CKAP2: variants seen among roughly 807,000 people sequenced by gnomAD.
CKAP2 encodes the protein cytoskeleton associated protein 2, also known as cytoskeleton-associated protein 2.
Under a neutral mutation model 58.4 loss-of-function variants are expected in CKAP2, and 46 were observed. The ratio of observed to expected loss-of-function variants is 0.79; its 90% CI spans 0.62 to 1.01. CKAP2 has a LOEUF of 1.01. CKAP2 is among the 50% of genes least tolerant of loss of function. The pLI, the probability that CKAP2 is intolerant of heterozygous loss-of-function variation, is 0.00. For synonymous variants in CKAP2, 293 were observed against 280.9 expected (o/e 1.04, Z -0.43); for missense variants, 809 against 796.4 (o/e 1.02, Z -0.19).
In CKAP2 at chr13:52,474,000, C is replaced by T. The variant is rs201305173; in HGVS notation, c.1718C>T (p.Thr573Ile). The T allele has an allele frequency of 4.4e-5, 71 of 1,614,030 alleles. No individual in the cohort carries two copies. Among genetic ancestry groups the T allele is most frequent in the South Asian group, 2.2e-5 (2 of 91,076 alleles). ...CAAGACAACAAAACAAAAGATCCAACCCATGATGTTAAAACCCCCAATACA... is the reference window on the plus strand; with the variant it reads ...CAAGACAACAAAACAAAAGATCCAATCCATGATGTTAAAACCCCCAATACA... ...KEQDNKTKDP[T>I]HDVKTPNTET... Residue 573 changes from threonine (T) to isoleucine (I), a missense_variant, in exon 8 of 9, where the codon ACC becomes ATC. Physicochemically the swap from Thr to Ile is moderately conservative, Grantham distance 89. This residue lies in a region of CKAP2 where 283 missense variants were observed against 287.6 expected (regional missense o/e 0.98). Transcript: ENST00000258607.
intron 6 of CKAP2, among the ~76,000 whole-genome samples, chr13:52,466,040 TAC>T (rs140121238): frequency 0.023 from 3,457 of 151,872 alleles, 107 homozygotes; most frequent in African/African-American, 0.069. Flanking sequence ...TACACATATA[TAC>T]ACACACACAT....
chr13:52,474,706 G>A (rs1310123607), intron 8 of CKAP2, among the ~76,000 whole-genome samples, 189 bp from the exon 9 acceptor site: 2 of 152,172 alleles, frequency 1.3e-5, no homozygotes, highest in Non-Finnish European at 2.9e-5. Flanking sequence ...CTGTATACAA[G>A]TTGTAATGAC....
At position 52,462,384 on chromosome 13, in the gene CKAP2, A is replaced by G. The variant is rs139910485; in HGVS notation, c.1122A>G (p.Lys374=). 75 of 1,614,008 alleles carry G rather than the reference A, an allele frequency of 4.6e-5. No individual in the cohort carries two copies. In the African/African-American group the frequency reaches 4.7e-4, roughly 10 times the overall value. The change falls in exon 5 of 9, where the codon AAA becomes AAG. Residue 374 remains lysine, a synonymous_variant. Coordinates refer to ENST00000258607, the MANE Select transcript of CKAP2 (RefSeq NM_018204.5). ...ATAGAGCTCGTCTGAGTGAGTGGAA[A>G]GCTGGCAAAGGAAGAGTGCTAAAAA... ...EERKARLSEW[K]AGKGRVLKRP...
Position 52,455,914 on chromosome 13 carries a change from C to G in CKAP2, c.70+288C>G, listed in dbSNP as rs1421828005. The G allele has an allele frequency of 1.7e-5, 19 of 1,143,500 alleles. No homozygotes were observed. In the Admixed American group the frequency reaches 1.9e-4, roughly 12 times the overall value. 70.8% of individuals were successfully genotyped at this position (1,143,500 alleles called of 1,614,324 possible). A position where few individuals can be genotyped will look rare whatever the true frequency, so the allele number is the denominator to read the frequency against. On this transcript the variant is annotated intron_variant, in intron 1 of 8. Coordinates refer to ENST00000258607, the MANE Select transcript of CKAP2 (RefSeq NM_018204.5). ...AAACGCGCGGGCCTCAGGCCGGGGT[C>G]GGTGTCGGAGACCCTGGGTCCGCTT...
In CKAP2 at chr13:52,461,599, G is replaced by C; in HGVS notation, c.773G>C (p.Ser258Thr). Residue 258 changes from serine to threonine, a missense_variant, in exon 4 of 9, where the codon AGT becomes ACT. Ser to Thr is a moderately conservative substitution (Grantham distance 58). Coordinates refer to ENST00000258607, the MANE Select transcript of CKAP2 (RefSeq NM_018204.5). ...NTQLVRPPIR[S>T]HHSNTRDTVK... ...CAACTTGTGCGACCTCCTATTAGAA[G>C]TCATCACAGTAATACCCGGGACACT... The C allele has an allele frequency of 6.2e-7, 1 of 1,614,166 alleles. No homozygotes were observed. Among genetic ancestry groups the C allele is most frequent in the Non-Finnish European group, 8.5e-7 (1 of 1,180,036 alleles).
rs1958694282 is a variant in CKAP2 at position 52,467,274 on chromosome 13, A to G, written c.1477-1004A>G. On this transcript the variant is annotated intron_variant, in intron 6 of 8. Coordinates refer to ENST00000258607, the MANE Select transcript of CKAP2 (RefSeq NM_018204.5). ...ATGGTCACTTAGTAATTTTTTGTAA[A>G]TTTTTGAATGAATGAAGTATGTTGA... Among the ~76,000 whole-genome samples the G allele has an allele frequency of 2.6e-5, 4 of 152,234 alleles. No homozygotes were observed. In the South Asian group the frequency reaches 8.3e-4, roughly 32 times the overall value.
chr13:52,460,099 T>C (rs1317894397), intron 2 of CKAP2, among the ~76,000 whole-genome samples: 1 of 151,810 alleles, frequency 6.6e-6, no homozygotes, highest in Non-Finnish European at 1.5e-5. Flanking sequence ...GCTCAAGTAA[T>C]CCCCCCACCT....
chr13:52,463,971 GA>G (rs984394851), intron 5 of CKAP2, among the ~76,000 whole-genome samples: 2 of 152,060 alleles, frequency 1.3e-5, no homozygotes, highest in Non-Finnish European at 2.9e-5. Context: ...AAAAGTTTTG[GA>G]TTTCAGATTT....
chr13:52,473,165 G>C (rs1958782799), intron 7 of CKAP2, among the ~76,000 whole-genome samples: 1 of 152,014 alleles, frequency 6.6e-6, no homozygotes, highest in Admixed American at 6.6e-5. Context: ...TGCCATCACA[G>C]ATTGTTACTT....
intron 4 of CKAP2, 43 bp downstream of exon 4, chr13:52,461,969 A>C (rs571468996): frequency 1.4e-6 from 2 of 1,474,902 alleles, no homozygotes; most frequent in African/African-American, 2.9e-5. Flanking sequence ...TTTTCAATAA[A>C]GTACTGTTTG....
intron 7 of CKAP2, among the ~76,000 whole-genome samples, chr13:52,472,494 T>G (rs1014534704): frequency 1.9e-4 from 28 of 149,590 alleles, no homozygotes; most frequent in Non-Finnish European, 3.3e-4. Flanking sequence ...AATTCAGAGG[T>G]TTTTTTTTCC....
intron 6 of CKAP2, chr13:52,465,923 A>ATATATACACACATG: frequency 3.1e-6 from 1 of 324,350 alleles, no homozygotes; most frequent in South Asian, 2.7e-5. Flanking sequence ...ATACACACAT[A>ATATATACACACATG]TATATACACA....
intron 5 of CKAP2, among the ~76,000 whole-genome samples, chr13:52,464,571 A>C (rs2137851674): frequency 6.6e-6 from 1 of 152,094 alleles, no homozygotes; most frequent in South Asian, 2.1e-4. Flanking sequence ...AAAAAAAAAA[A>C]AAACAATCCC....
intron 8 of CKAP2, 61 bp from the exon 9 acceptor site, chr13:52,474,834 A>G: frequency 6.6e-7 from 1 of 1,508,688 alleles, no homozygotes; most frequent in Non-Finnish European, 9.0e-7. Flanking sequence ...ACATATCATG[A>G]AAGTACAGAG....
Position 52,461,269 on chromosome 13 carries a change from A to T in CKAP2, c.443A>T (p.His148Leu). 6.2e-7 allele frequency: 1 copy of T among 1,613,622 alleles called. No individual in the cohort carries two copies. The highest frequency in any genetic ancestry group is 8.5e-7 in the Non-Finnish European group (1 of 1,179,942). The change falls in exon 4 of 9, where the codon CAC becomes CTC. Residue 148 changes from histidine (H) to leucine (L), a missense_variant. This residue lies in a region of CKAP2 where 523 missense variants were observed against 492.4 expected (regional missense o/e 1.06). Coordinates refer to ENST00000258607, the MANE Select transcript of CKAP2 (RefSeq NM_018204.5). ...CATATGACATTAAGCCAGGCATTTC[A>T]CCTTAAAAACAATAGTAAAAAGAAA... Reference protein sequence around the residue: ...SQHMTLSQAFHLKNNSKKKQM... With the variant: ...SQHMTLSQAFLLKNNSKKKQM...
intron 5 of CKAP2, 27 bp from the exon 6 acceptor site, chr13:52,465,268 T>C: frequency 1.3e-6 from 2 of 1,581,900 alleles, no homozygotes; most frequent in Non-Finnish European, 1.7e-6. Context: ...TAAAAAATAT[T>C]ACACACATTT....
chr13:52,464,457 G>A (rs1377902717), intron 5 of CKAP2, among the ~76,000 whole-genome samples: 1 of 151,638 alleles, frequency 6.6e-6, no homozygotes, highest in African/African-American at 2.4e-5. Flanking sequence ...GAAGGCTGAG[G>A]CTGGAGAATC....
chr13:52,475,353 C>T lies in CKAP2; in HGVS notation c.*212C>T, dbSNP rs1258553000. On this transcript the variant is annotated 3_prime_UTR_variant, in exon 9 of 9. Transcript: ENST00000258607. ...ATCCTACCTTGTCAGTTTCAACCAA[C>T]TGAGTTTTTTCTTTAAGAAAGGTAA... The T allele has an allele frequency of 1.3e-5, 7 of 558,576 alleles. No homozygotes were observed. Among genetic ancestry groups the T allele is most frequent in the Non-Finnish European group, 2.1e-5 (7 of 340,402 alleles). 34.6% of individuals were successfully genotyped at this position (558,576 alleles called of 1,614,324 possible).
chr13:52,456,667 A>C, intron 2 of CKAP2, 60 bp downstream of exon 2: 1 of 1,265,450 alleles, frequency 7.9e-7, no homozygotes, highest in Non-Finnish European at 1.1e-6. Flanking sequence ...GTCCAATGAA[A>C]ATGTAAAGTA....
Sources: allele counts gnomAD v4.1 joint callset (sites outside exome capture counted in the v4.1 genomes callset), GRCh38; gene constraint gnomAD v4.1.1; regional missense constraint gnomAD v4.1.1; transcripts MANE v1.5; gene names NCBI Gene and HGNC (gene_info 2026-07-23, HGNC 2026-07-21).